The following CDC37L1 variants were observed in gnomAD, a reference collection of about 807,000 sequenced individuals.
CDC37L1 encodes hsp90 co-chaperone Cdc37-like 1.
In CDC37L1, 32 loss-of-function variants were observed where a neutral mutation model predicts 45.9. The observed-to-expected ratio is 0.70, with a 90% confidence interval of 0.53 to 0.94. The LOEUF is 0.94. CDC37L1 is among the 40% of genes least tolerant of loss of function. CDC37L1 has a pLI of 0.00. For synonymous variants in CDC37L1, 150 were observed against 133.0 expected (o/e 1.13, Z -0.88); for missense variants, 434 against 405.7 (o/e 1.07, Z -0.60).
At chr9:4,698,941 C>CAT (rs34682106) in intron 5 of CDC37L1, among the ~76,000 whole-genome samples, 23 of 151,598 alleles carry the variant, frequency 1.5e-4, no homozygotes, top group African/African-American at 4.8e-4. Context: ...TTTTGGAAAA[C>CAT]TTTTTTTTTA....
intron 6 of CDC37L1, chr9:4,703,131 T>A: frequency 6.6e-7 from 1 of 1,520,226 alleles, no homozygotes; most frequent in East Asian, 2.5e-5. Flanking sequence ...ATCTGTTGTC[T>A]ACATTGTGAG....
intron 6 of CDC37L1, chr9:4,703,065 C>A: frequency 6.5e-7 from 1 of 1,540,984 alleles, no homozygotes; most frequent in African/African-American, 1.4e-5. Flanking sequence ...TTAATAGAGC[C>A]CAGTCATCTC....
intron 2 of CDC37L1, among the ~76,000 whole-genome samples, chr9:4,685,982 A>T (rs146779482): frequency 6.6e-6 from 1 of 152,180 alleles, no homozygotes; most frequent in Non-Finnish European, 1.5e-5. Context: ...GGTTGACATG[A>T]TGAAACCCTG....
At chr9:4,691,397 T>G (rs1233737200) in intron 3 of CDC37L1, among the ~76,000 whole-genome samples, 1 of 152,238 alleles carries the variant, frequency 6.6e-6, no homozygotes, top group Non-Finnish European at 1.5e-5. Flanking sequence ...ATCATTTAGC[T>G]CCCGCTTATA....
chr9:4,687,645 C>CTCCA (rs1157912043), intron 2 of CDC37L1, among the ~76,000 whole-genome samples: 1 of 141,184 alleles, frequency 7.1e-6, no homozygotes, highest in Non-Finnish European at 1.5e-5. Flanking sequence ...TGCCACTGTA[C>CTCCA]TCCAGCCTGG....
At chr9:4,695,030 G>A (rs1841334233) in intron 3 of CDC37L1, among the ~76,000 whole-genome samples, 1 of 152,158 alleles carries the variant, frequency 6.6e-6, no homozygotes, top group Non-Finnish European at 1.5e-5. Context: ...GTAAACAAGA[G>A]GAGCAATGCT....
chr9:4,702,233 C>T (rs1841405762), intron 6 of CDC37L1, among the ~76,000 whole-genome samples: 1 of 152,038 alleles, frequency 6.6e-6, no homozygotes, highest in African/African-American at 2.4e-5. Context: ...ATTTCCTCTC[C>T]TTTTAATGTA....
chr9:4,698,510 C>A (rs1252244290), intron 5 of CDC37L1, among the ~76,000 whole-genome samples: 2 of 151,114 alleles, frequency 1.3e-5, no homozygotes, highest in East Asian at 1.9e-4. Context: ...TTCACACTCA[C>A]AAGATTTGCA....
chr9:4,697,306 T>C, intron 4 of CDC37L1, 95 bp downstream of exon 4: 1 of 672,212 alleles, frequency 1.5e-6, no homozygotes, highest in Non-Finnish European at 2.6e-6. Context: ...CATTAAGTCC[T>C]TTAAAAGAAA....
chr9:4,685,135 A>G lies in CDC37L1; in HGVS notation c.391A>G (p.Ile131Val). 6.2e-7 allele frequency: 1 copy of G among 1,613,792 alleles called. No homozygotes were observed. Among genetic ancestry groups the G allele is most frequent in the South Asian group, 1.1e-5 (1 of 91,066 alleles). Residue 131 changes from isoleucine to valine, a missense_variant, in exon 2 of 7, where the codon ATT becomes GTT. Physicochemically the swap from Ile to Val is conservative, Grantham distance 29 (BLOSUM62 3). Coordinates refer to ENST00000381854, the MANE Select transcript of CDC37L1 (RefSeq NM_017913.4). ...GATGTGTCTGTGGAGCACGGATGCCATTAGCAAGGATGTTTTTAATAAGGT... is the reference window on the plus strand; with the variant it reads ...GATGTGTCTGTGGAGCACGGATGCCGTTAGCAAGGATGTTTTTAATAAGGT... ...EKMCLWSTDA[I>V]SKDVFNKSFI...
chr9:4,688,708 A>T, intron 3 of CDC37L1, 102 bp downstream of exon 3: 1 of 746,532 alleles, frequency 1.3e-6, no homozygotes, highest in Non-Finnish European at 2.1e-6. Context: ...AAAAGTGGCA[A>T]ACTCCAATTT....
At chr9:4,688,468 ATTAGAATTT>A (rs1841271139) in intron 2 of CDC37L1, 36 bp from the exon 3 acceptor site, 2 of 1,031,118 alleles carry the variant, frequency 1.9e-6, no homozygotes, top group African/African-American at 3.3e-5. Context: ...AGAAGATTCA[ATTAGAATTT>A]AAAATCTGAT....
chr9:4,679,735 C>T lies in CDC37L1; in HGVS notation c.-33C>T, dbSNP rs1175318155. On this transcript the variant is annotated 5_prime_UTR_variant, in exon 1 of 7. Transcript: ENST00000381854. The stretch of plus-strand genomic sequence containing the variant: ...CTGTTGGCAGTGGCAGTTGTAGGGC[C>T]AAGGGCGGTTGTAGGACCCGGAGCA... 6.3e-7 allele frequency: 1 copy of T among 1,596,888 alleles called. No individual in the cohort carries two copies. Among genetic ancestry groups the T allele is most frequent in the Admixed American group, 1.7e-5 (1 of 58,478 alleles).
intron 6 of CDC37L1, among the ~76,000 whole-genome samples, chr9:4,705,432 G>A (rs957170020): frequency 2.6e-5 from 4 of 152,054 alleles, no homozygotes; most frequent in African/African-American, 9.7e-5. Flanking sequence ...ATGAGTTTAT[G>A]CTTGTTTAAC....
intron 1 of CDC37L1, among the ~76,000 whole-genome samples, chr9:4,683,082 T>A (rs1014802858): frequency 9.0e-5 from 13 of 143,746 alleles, no homozygotes; most frequent in South Asian, 4.2e-4. Context: ...TTTATATATT[T>A]TATATATATA....
rs1318553793 is a variant in CDC37L1 at position 4,708,200 on chromosome 9, T to C, written c.*2088T>C. 1 of 152,210 alleles carries C rather than the reference T, an allele frequency of 6.6e-6. No individual in the cohort carries two copies. Among genetic ancestry groups the C allele is most frequent in the Non-Finnish European group, 1.5e-5 (1 of 68,040 alleles). The allele number at this position is 152,210 out of a possible 1,614,324, so 9.4% of individuals were successfully genotyped here. A position where few individuals can be genotyped will look rare whatever the true frequency, so the allele number is the denominator to read the frequency against. ...ACATCCTTGAACTAATTCCTACCTT[T>C]TTTTTGTTTCTGAAGAAATAAAGAG... On this transcript the variant is annotated 3_prime_UTR_variant, in exon 7 of 7. Coordinates refer to ENST00000381854, the MANE Select transcript of CDC37L1 (RefSeq NM_017913.4).
chr9:4,696,899 G>A (rs974059244), intron 3 of CDC37L1, among the ~76,000 whole-genome samples, 197 bp from the exon 4 acceptor site: 2 of 152,140 alleles, frequency 1.3e-5, no homozygotes, highest in Non-Finnish European at 2.9e-5. Flanking sequence ...CCAGTCTACT[G>A]AGTATTGCTT....
chr9:4,689,505 A>T (rs1458761750), intron 3 of CDC37L1, among the ~76,000 whole-genome samples: 1 of 151,984 alleles, frequency 6.6e-6, no homozygotes, highest in African/African-American at 2.4e-5. Context: ...ATTACTTTAA[A>T]TTTTTTCCCT....
chr9:4,698,075 A>G (rs560655356), intron 5 of CDC37L1, among the ~76,000 whole-genome samples, 196 bp downstream of exon 5: 1 of 152,318 alleles, frequency 6.6e-6, no homozygotes, highest in Non-Finnish European at 1.5e-5. Context: ...AGGCTGTACT[A>G]CAGCATGTAT....
Sources: allele counts gnomAD v4.1 joint callset (sites outside exome capture counted in the v4.1 genomes callset), GRCh38; gene constraint gnomAD v4.1.1; transcripts MANE v1.5; gene names NCBI Gene and HGNC (gene_info 2026-07-23, HGNC 2026-07-21).